TJP1: variants seen among roughly 807,000 people sequenced by gnomAD.
TJP1 encodes the protein tight junction protein ZO-1.
TJP1 carries 43 observed loss-of-function variants against 194.2 expected under a neutral mutation model. That is an observed-to-expected ratio of 0.22 (90% confidence interval 0.17 to 0.29). The LOEUF is 0.29. Ranked by LOEUF, TJP1 falls within the 10% of genes least tolerant of loss-of-function variation. The probability of loss-of-function intolerance (pLI) is 1.00; values close to 1 mark genes in which losing one functional copy is unlikely to be tolerated. For missense variants in TJP1, 1,971 were observed against 2,185.7 expected, an observed-to-expected ratio of 0.90 and a Z score of 1.96; for synonymous variants, 801 against 779.0, an observed-to-expected ratio of 1.03 and a Z score of -0.47.
At chr15:29,755,282 T>C (rs1211175969) in intron 8 of TJP1, among the ~76,000 whole-genome samples, 2 of 152,192 alleles carry the variant, frequency 1.3e-5, no homozygotes, top group Non-Finnish European at 2.9e-5. Context: ...CACACAAGGA[T>C]GCATTTCTCA....
intron 25 of TJP1, among the ~76,000 whole-genome samples, chr15:29,707,645 T>G (rs2041981386): frequency 6.6e-6 from 1 of 152,140 alleles, no homozygotes; most frequent in African/African-American, 2.4e-5. Flanking sequence ...CCAGAATCCA[T>G]CTGGTCAATC....
At chr15:29,768,063 C>A (rs1469188530) in intron 4 of TJP1, among the ~76,000 whole-genome samples, 2 of 152,184 alleles carry the variant, frequency 1.3e-5, no homozygotes, top group African/African-American at 4.8e-5. Context: ...TTTCTCTCTT[C>A]TCTATGTGCC....
intron 18 of TJP1, among the ~76,000 whole-genome samples, chr15:29,725,340 G>C (rs1387044835): frequency 6.6e-6 from 1 of 152,146 alleles, no homozygotes; most frequent in Admixed American, 6.5e-5. Flanking sequence ...AGCTCTCCTT[G>C]CAGAGGCTGT....
At chr15:29,866,690 A>G (rs181016314) in intron 2 of TJP1, among the ~76,000 whole-genome samples, 36 of 152,332 alleles carry the variant, frequency 2.4e-4, no homozygotes, top group African/African-American at 8.2e-4. Flanking sequence ...GAATGTCTGG[A>G]AAGTATTCTG....
At chr15:29,909,590 C>T (rs958555535) in intron 2 of TJP1, among the ~76,000 whole-genome samples, 7 of 152,044 alleles carry the variant, frequency 4.6e-5, no homozygotes, top group African/African-American at 9.7e-5. Flanking sequence ...TGAGTCAAAA[C>T]GAAGTTCACT....
At chr15:29,774,557 T>C (rs1161493777) in intron 2 of TJP1, among the ~76,000 whole-genome samples, 1 of 151,922 alleles carries the variant, frequency 6.6e-6, no homozygotes, top group Non-Finnish European at 1.5e-5. Context: ...GAAAGGCAAA[T>C]CTATAAAGAC....
chr15:29,905,949 T>C (rs558472370), intron 2 of TJP1, among the ~76,000 whole-genome samples: 1 of 152,226 alleles, frequency 6.6e-6, no homozygotes, highest in East Asian at 1.9e-4. Flanking sequence ...TAAGTCATTA[T>C]ACATTTGTCC....
chr15:29,822,217 C>T lies in TJP1; in HGVS notation c.-189G>A, dbSNP rs1395172909. On this transcript the variant is annotated 5_prime_UTR_variant, in exon 1 of 28. Transcript: ENST00000614355. ...CGGACAAAAGTCCGGGAAGCGCCCG[C>T]CCCGCCCGGGTCTTCTCCACGGGGC... The T allele has an allele frequency of 1.7e-6, 2 of 1,178,364 alleles. No individual in the cohort carries two copies. Among genetic ancestry groups the T allele is most frequent in the Non-Finnish European group, 2.1e-6 (2 of 953,346 alleles). The allele number at this position is 1,178,364 out of a possible 1,614,324, so 73.0% of individuals were successfully genotyped here.
At chr15:29,912,961 AAGCAGAGACG>A (rs1230975151) in intron 2 of TJP1, among the ~76,000 whole-genome samples, 1 of 152,250 alleles carries the variant, frequency 6.6e-6, no homozygotes. Flanking sequence ...GGATTGCAGG[AAGCAGAGACG>A]AGCAGAGATT....
At chr15:29,952,173 G>A (rs2055773303) in intron 2 of TJP1, among the ~76,000 whole-genome samples, 1 of 152,166 alleles carries the variant, frequency 6.6e-6, no homozygotes, top group Non-Finnish European at 1.5e-5. Context: ...CTGCCATCTG[G>A]TTTATGTACC....
At chr15:29,968,661 C>T (rs1209123043) in intron 1 of TJP1, 2 of 1,072,464 alleles carry the variant, frequency 1.9e-6, no homozygotes, top group Middle Eastern at 2.6e-4. Flanking sequence ...CGCGCGGCCG[C>T]CTCACCACAG....
chr15:29,860,077 T>C (rs2052017302), intron 2 of TJP1, among the ~76,000 whole-genome samples: 1 of 152,172 alleles, frequency 6.6e-6, no homozygotes, highest in Non-Finnish European at 1.5e-5. Context: ...TCTGCATTCT[T>C]ACTGGGGCTA....
chr15:29,704,351 T>C (rs1202179265), intron 26 of TJP1, 46 bp from the exon 27 acceptor site: 1 of 1,533,914 alleles, frequency 6.5e-7, no homozygotes, highest in East Asian at 2.4e-5. Flanking sequence ...ATGTGGTCTT[T>C]CTTCTAGAAT....
intron 2 of TJP1, among the ~76,000 whole-genome samples, chr15:29,828,190 T>C (rs952300327): frequency 5.3e-5 from 8 of 152,140 alleles, no homozygotes; most frequent in African/African-American, 1.4e-4. Flanking sequence ...TATATGAATA[T>C]AAGAATGTAT....
At chr15:29,879,433 G>T (rs2052842846) in intron 2 of TJP1, among the ~76,000 whole-genome samples, 1 of 152,188 alleles carries the variant, frequency 6.6e-6, no homozygotes, top group Non-Finnish European at 1.5e-5. Context: ...CCTCCCTGGA[G>T]CCAAGACCTG....
intron 8 of TJP1, among the ~76,000 whole-genome samples, chr15:29,750,455 A>G (rs2045193936): frequency 6.6e-6 from 1 of 152,110 alleles, no homozygotes; most frequent in African/African-American, 2.4e-5. Flanking sequence ...GTGGTTCTTA[A>G]TCTTCAGAGC....
At chr15:29,720,847 G>T in intron 18 of TJP1, 139 bp from the exon 19 acceptor site, 2 of 689,724 alleles carry the variant, frequency 2.9e-6, no homozygotes, top group Non-Finnish European at 4.8e-6. Context: ...GTAAGGAAAA[G>T]TCAAGAAGAT....
intron 2 of TJP1, among the ~76,000 whole-genome samples, chr15:29,920,835 A>G (rs1522793): frequency 0.98 from 149,879 of 152,274 alleles, 73,773 homozygotes; most frequent in Middle Eastern, 1. Flanking sequence ...GAACATCTTA[A>G]TTAGATTTAA....
At chr15:29,790,459 T>C (rs527778727) in intron 2 of TJP1, among the ~76,000 whole-genome samples, 2,150 of 152,344 alleles carry the variant, frequency 0.014, 17 homozygotes, top group Non-Finnish European at 0.024. Flanking sequence ...ATCATACATT[T>C]TGATACAAGT....
Sources: gnomAD v4.1 joint callset for allele counts (sites outside exome capture counted in the v4.1 genomes callset) on GRCh38, gnomAD v4.1.1 for gene constraint, MANE v1.5 for transcripts, NCBI Gene and HGNC (gene_info 2026-07-23, HGNC 2026-07-21) for gene names.